PTPRO: variants seen among roughly 807,000 people sequenced by gnomAD.
PTPRO encodes receptor-type tyrosine-protein phosphatase O.
PTPRO carries 62 observed loss-of-function variants against 145.2 expected under a neutral mutation model. The observed-to-expected ratio is 0.43, with a 90% confidence interval of 0.35 to 0.53. PTPRO has a LOEUF of 0.53. Ranked by LOEUF, PTPRO falls within the 20% of genes least tolerant of loss-of-function variation. The probability of loss-of-function intolerance (pLI) is 0.01; values close to 1 mark genes in which losing one functional copy is unlikely to be tolerated. For missense variants in PTPRO, 1,345 were observed against 1,482.7 expected (o/e 0.91, Z 1.53); for synonymous variants, 565 against 514.7 (o/e 1.10, Z -1.32).
chr12:15,429,114 C>T (rs1208878513), intron 1 of PTPRO, among the ~76,000 whole-genome samples: 1 of 152,008 alleles, frequency 6.6e-6, no homozygotes, highest in African/African-American at 2.4e-5. Context: ...TTTGCCACAC[C>T]GTTTGAACAG....
chr12:15,425,472 A>C (rs2136332983), intron 1 of PTPRO, among the ~76,000 whole-genome samples: 1 of 152,154 alleles, frequency 6.6e-6, no homozygotes, highest in Non-Finnish European at 1.5e-5. Context: ...CTTTCTTTCA[A>C]ATTTGTCTTC....
intron 1 of PTPRO, among the ~76,000 whole-genome samples, chr12:15,355,800 T>C (rs556507408): frequency 7.2e-5 from 11 of 152,354 alleles, no homozygotes; most frequent in African/African-American, 2.6e-4. Flanking sequence ...TGGCTATTTC[T>C]ATTATTGTGT....
intron 2 of PTPRO, among the ~76,000 whole-genome samples, chr12:15,486,529 T>C (rs1404385598): frequency 6.6e-6 from 1 of 152,122 alleles, no homozygotes. Flanking sequence ...AGGACAGCAC[T>C]ATCCAATAAA....
chr12:15,402,392 A>G (rs1939521606), intron 1 of PTPRO, among the ~76,000 whole-genome samples: 2 of 151,988 alleles, frequency 1.3e-5, no homozygotes, highest in Admixed American at 6.6e-5. Flanking sequence ...ATTTCAAGAA[A>G]AAAAAAAAAG....
chr12:15,596,953 C>A lies in PTPRO; in HGVS notation c.*880C>A, dbSNP rs925682228. 2.6e-5 allele frequency: 4 copies of A among 152,598 alleles called. No individual in the cohort carries two copies. Among genetic ancestry groups the A allele is most frequent in the African/African-American group, 9.7e-5 (4 of 41,434 alleles). 9.5% of individuals were successfully genotyped at this position (152,598 alleles called of 1,614,324 possible). A position where few individuals can be genotyped will look rare whatever the true frequency, so the allele number is the denominator to read the frequency against. ...GACTTTGCATTCCTTGTTCTGTTGA[C>A]CTGCATACATGTGAGAGCTATTTCT... On this transcript the variant is annotated 3_prime_UTR_variant, in exon 27 of 27. Coordinates refer to ENST00000281171, the MANE Select transcript of PTPRO (RefSeq NM_030667.3).
At chr12:15,545,459 A>G (rs1943264614) in intron 12 of PTPRO, among the ~76,000 whole-genome samples, 1 of 150,746 alleles carries the variant, frequency 6.6e-6, no homozygotes, top group Non-Finnish European at 1.5e-5. Context: ...GGGAAAGACA[A>G]CATCCAAAAG....
chr12:15,379,678 T>G (rs981238233), intron 1 of PTPRO, among the ~76,000 whole-genome samples: 1 of 151,926 alleles, frequency 6.6e-6, no homozygotes, highest in Admixed American at 6.6e-5. Context: ...AGGATGCCAA[T>G]CACAAAAGTA....
intron 1 of PTPRO, among the ~76,000 whole-genome samples, chr12:15,462,373 G>A (rs976274325): frequency 1.8e-4 from 27 of 152,152 alleles, no homozygotes; most frequent in African/African-American, 6.3e-4. Flanking sequence ...TGACCCACCC[G>A]CCTCGGCCTC....
intron 25 of PTPRO, among the ~76,000 whole-genome samples, chr12:15,589,982 T>C (rs1418267141): frequency 6.6e-6 from 1 of 152,192 alleles, no homozygotes; most frequent in African/African-American, 2.4e-5. Flanking sequence ...TTGTCATTAG[T>C]TTATCCTCCG....
intron 1 of PTPRO, among the ~76,000 whole-genome samples, chr12:15,379,438 G>A (rs748734997): frequency 6.6e-6 from 1 of 150,542 alleles, no homozygotes; most frequent in Non-Finnish European, 1.5e-5. Flanking sequence ...AGCTGAAGCA[G>A]GAGAACGGCT....
chr12:15,554,284 G>A (rs1943556028), intron 15 of PTPRO, among the ~76,000 whole-genome samples: 1 of 152,172 alleles, frequency 6.6e-6, no homozygotes, highest in African/African-American at 2.4e-5. Flanking sequence ...CCAGGTCAGA[G>A]TTGGGGGAAC....
intron 2 of PTPRO, among the ~76,000 whole-genome samples, chr12:15,489,458 G>A (rs549264260): frequency 1.3e-5 from 2 of 152,314 alleles, no homozygotes; most frequent in East Asian, 3.9e-4. Flanking sequence ...TTTCCAAAAA[G>A]GGTGGACAGT....
intron 1 of PTPRO, among the ~76,000 whole-genome samples, chr12:15,434,000 T>C (rs945289219): frequency 6.6e-6 from 1 of 152,212 alleles, no homozygotes; most frequent in Non-Finnish European, 1.5e-5. Context: ...TTCTGTCCTT[T>C]CACTGAATAT....
chr12:15,472,032 A>G (rs564247419), intron 1 of PTPRO, among the ~76,000 whole-genome samples: 7 of 152,264 alleles, frequency 4.6e-5, no homozygotes, highest in Non-Finnish European at 8.8e-5. Flanking sequence ...AATCATGGCC[A>G]TAAGTGCTAT....
chr12:15,494,881 G>T (rs1942069899), intron 2 of PTPRO, among the ~76,000 whole-genome samples: 1 of 152,156 alleles, frequency 6.6e-6, no homozygotes, highest in African/African-American at 2.4e-5. Flanking sequence ...AGGAGTTACT[G>T]CTCCGTGGCT....
chr12:15,565,686 C>A, intron 18 of PTPRO, 58 bp downstream of exon 18: 3 of 1,198,338 alleles, frequency 2.5e-6, no homozygotes, highest in South Asian at 1.3e-5. Context: ...TCTTAACGTT[C>A]CAATTAAAGA....
Position 15,322,581 on chromosome 12 carries a change from C to T in PTPRO, c.-146C>T. 1.4e-6 allele frequency: 1 copy of T among 718,704 alleles called. No homozygotes were observed. Among genetic ancestry groups the T allele is most frequent in the Non-Finnish European group, 2.5e-6 (1 of 397,406 alleles). 44.5% of individuals were successfully genotyped at this position (718,704 alleles called of 1,614,324 possible). On this transcript the variant is annotated 5_prime_UTR_variant, in exon 1 of 27. Transcript: ENST00000281171. This position sits in a 1 kb window ranked among gnomAD's most constrained non-coding sequence, Gnocchi z 6.3. ...CGCAGAGGAGGAAAGGGAGCAGGCG[C>T]AGGGGGACTGGAAAGGCAGCATGCG...
At chr12:15,411,009 T>C (rs1411033444) in intron 1 of PTPRO, among the ~76,000 whole-genome samples, 1 of 152,188 alleles carries the variant, frequency 6.6e-6, no homozygotes, top group South Asian at 2.1e-4. Context: ...GCTCACTAAA[T>C]GAAGTAAAAT....
At chr12:15,499,361 G>C in intron 3 of PTPRO, 81 bp from the exon 4 acceptor site, 1 of 1,340,062 alleles carries the variant, frequency 7.5e-7, no homozygotes, top group Non-Finnish European at 1.1e-6. Flanking sequence ...TGAATGTTTA[G>C]CCATAATTGT....
Sources: gnomAD v4.1 joint callset for allele counts (sites outside exome capture counted in the v4.1 genomes callset) on GRCh38, gnomAD v4.1.1 for gene constraint, Gnocchi (gnomAD v3.1) non-coding constraint, MANE v1.5 for transcripts, NCBI Gene and HGNC (gene_info 2026-07-23, HGNC 2026-07-21) for gene names.